The following NPSR1 variants were observed in gnomAD, a reference collection of about 807,000 sequenced individuals.
NPSR1 encodes neuropeptide S receptor 1, also known as neuropeptide S receptor.
A neutral mutation model predicts 46.9 loss-of-function variants in NPSR1; 48 were observed. The ratio of observed to expected loss-of-function variants is 1.02; its 90% confidence interval spans 0.81 to 1.30. The LOEUF is 1.30. Ranked by LOEUF, NPSR1 falls within the 50% of genes most tolerant of loss-of-function variation. The pLI, the probability that NPSR1 is intolerant of heterozygous loss-of-function variation, is 0.00. For missense variants in NPSR1, 450 were observed against 449.5 expected (o/e 1.00, Z -0.01); for synonymous variants, 176 against 168.1 (o/e 1.05, Z -0.36).
intron 2 of NPSR1, among the ~76,000 whole-genome samples, chr7:34,758,445 T>C (rs1370298370): frequency 6.6e-6 from 1 of 152,212 alleles, no homozygotes; most frequent in African/African-American, 2.4e-5. Flanking sequence ...AGCTCACTTC[T>C]CAATATAACA....
chr7:34,770,430 C>T lies in NPSR1; in HGVS notation c.281-8032C>T, dbSNP rs1786625683. ...TTGGATTATAGATCCCATGTGCTTG[C>T]CAATGCTTTTTTTGTTAACTGTAGA... On this transcript the variant is annotated intron_variant, in intron 2 of 8. Transcript: ENST00000360581. Among the ~76,000 whole-genome samples, 9 of 152,116 alleles carry T rather than the reference C, an allele frequency of 5.9e-5. No individual in the cohort carries two copies. The South Asian group carries it at 1.9e-3, about 31-fold the overall frequency.
At chr7:34,787,492 T>C (rs1283637471) in intron 3 of NPSR1, among the ~76,000 whole-genome samples, 1 of 152,174 alleles carries the variant, frequency 6.6e-6, no homozygotes, top group Non-Finnish European at 1.5e-5. Flanking sequence ...TTTACTTTTC[T>C]TCAAGAAAGT....
intron 8 of NPSR1, among the ~76,000 whole-genome samples, chr7:34,870,201 C>T (rs1254485566): frequency 9.9e-5 from 15 of 151,842 alleles, no homozygotes; most frequent in Admixed American, 6.5e-5. Context: ...CCCAGAACAC[C>T]TTCAGCAGTT....
intron 2 of NPSR1, among the ~76,000 whole-genome samples, chr7:34,767,512 G>T (rs1405813864): frequency 6.7e-6 from 1 of 149,674 alleles, no homozygotes; most frequent in East Asian, 1.9e-4. Flanking sequence ...ACTTTACACA[G>T]CCAGAGGAAG....
intron 4 of NPSR1, among the ~76,000 whole-genome samples, chr7:34,827,173 A>T (rs1789896110): frequency 6.6e-6 from 1 of 152,224 alleles, no homozygotes; most frequent in African/African-American, 2.4e-5. Flanking sequence ...CACCAACCTT[A>T]GGCCAGGCAA....
At chr7:34,866,900 T>C (rs1254292049) in intron 8 of NPSR1, among the ~76,000 whole-genome samples, 24 of 151,710 alleles carry the variant, frequency 1.6e-4, no homozygotes, top group Admixed American at 1.6e-3. Context: ...AAGGAAATCA[T>C]GGTGCTGGTT....
At chr7:34,856,243 A>C (rs1791045512) in intron 8 of NPSR1, among the ~76,000 whole-genome samples, 1 of 149,380 alleles carries the variant, frequency 6.7e-6, no homozygotes, top group Non-Finnish European at 1.5e-5. Context: ...ATATAGCTGA[A>C]TATCCAAAAT....
chr7:34,870,914 GGATA>G (rs949155534), intron 8 of NPSR1, among the ~76,000 whole-genome samples: 3 of 150,690 alleles, frequency 2.0e-5, no homozygotes, highest in African/African-American at 7.4e-5. Context: ...ATGGATGGAT[GGATA>G]GATGGATGGA....
chr7:34,692,583 C>G (rs1793320928), intron 2 of NPSR1, among the ~76,000 whole-genome samples: 1 of 152,042 alleles, frequency 6.6e-6, no homozygotes, highest in African/African-American at 2.4e-5. Flanking sequence ...GAATTCAATG[C>G]TTACACTAAA....
chr7:34,689,042 C>T lies in NPSR1; in HGVS notation c.280+4358C>T, dbSNP rs531623708. Among the ~76,000 whole-genome samples the T allele has an allele frequency of 8.5e-5, 13 of 152,300 alleles. 1 individual carries two copies. The highest frequency in any genetic ancestry group is 7.8e-4 in the Admixed American group (12 of 15,304). Reference sequence around the variant, plus strand: ...TCTCCAGGCACTTGGCAGCTGCCCACCAGACCCTGCCTCAGAGCTAATGCT... The same window carrying T: ...TCTCCAGGCACTTGGCAGCTGCCCATCAGACCCTGCCTCAGAGCTAATGCT... On this transcript the variant is annotated intron_variant, in intron 2 of 8. Coordinates refer to ENST00000360581, the MANE Select transcript of NPSR1 (RefSeq NM_207172.2).
chr7:34,771,337 G>A (rs561528662), intron 2 of NPSR1, among the ~76,000 whole-genome samples: 1 of 152,266 alleles, frequency 6.6e-6, no homozygotes, highest in Admixed American at 6.5e-5. Flanking sequence ...CTACTCAGGA[G>A]GCTGAGGCAA....
chr7:34,667,255 G>C (rs2128671900), intron 1 of NPSR1, among the ~76,000 whole-genome samples: 1 of 152,324 alleles, frequency 6.6e-6, no homozygotes, highest in Admixed American at 6.5e-5. Flanking sequence ...TTTCTGCCCT[G>C]GGTACAGAAC....
chr7:34,781,468 T>C (rs1053887085), intron 3 of NPSR1, among the ~76,000 whole-genome samples: 1 of 152,140 alleles, frequency 6.6e-6, no homozygotes, highest in Admixed American at 6.6e-5. Context: ...TTGGCACACC[T>C]AAGAGGCCAT....
At chr7:34,727,494 G>A (rs894816133) in intron 2 of NPSR1, among the ~76,000 whole-genome samples, 2 of 152,202 alleles carry the variant, frequency 1.3e-5, no homozygotes, top group African/African-American at 4.8e-5. Flanking sequence ...AATGATGTAT[G>A]TACAATGTGT....
intron 2 of NPSR1, among the ~76,000 whole-genome samples, chr7:34,761,871 G>A (rs1786189963): frequency 6.6e-6 from 1 of 152,162 alleles, no homozygotes; most frequent in Non-Finnish European, 1.5e-5. Flanking sequence ...CCCCTTAAGT[G>A]GAGTGAGGAG....
At chr7:34,764,889 A>G (rs1207598395) in intron 2 of NPSR1, among the ~76,000 whole-genome samples, 1 of 152,204 alleles carries the variant, frequency 6.6e-6, no homozygotes, top group African/African-American at 2.4e-5. Context: ...ACTGGCCTAT[A>G]TGGGTCTGTG....
chr7:34,699,440 T>C (rs1793707428), intron 2 of NPSR1, among the ~76,000 whole-genome samples: 1 of 152,244 alleles, frequency 6.6e-6, no homozygotes, highest in Non-Finnish European at 1.5e-5. Flanking sequence ...CCTCTTAGCC[T>C]CAAGAAGGGA....
At chr7:34,782,961 C>T (rs1479280290) in intron 3 of NPSR1, among the ~76,000 whole-genome samples, 1 of 151,822 alleles carries the variant, frequency 6.6e-6, no homozygotes, top group Non-Finnish European at 1.5e-5. Flanking sequence ...AATAGAAATT[C>T]TGGAGCTAAA....
intron 7 of NPSR1, among the ~76,000 whole-genome samples, chr7:34,847,183 G>C (rs920426422): frequency 2.0e-5 from 3 of 152,146 alleles, no homozygotes; most frequent in African/African-American, 7.2e-5. Context: ...TTCCCAACAA[G>C]TTACAGAATC....
Sources: gnomAD v4.1 joint callset for allele counts (sites outside exome capture counted in the v4.1 genomes callset) on GRCh38, gnomAD v4.1.1 for gene constraint, MANE v1.5 for transcripts, NCBI Gene and HGNC (gene_info 2026-07-23, HGNC 2026-07-21) for gene names.